RBFOX1: variants seen among roughly 807,000 people sequenced by gnomAD.
The protein encoded by RBFOX1 is RNA binding fox-1 homolog 1, also known as RNA binding protein fox-1 homolog 1.
Under a neutral mutation model 57.7 loss-of-function variants are expected in RBFOX1, and 8 were observed. That is an observed-to-expected ratio of 0.14 (90% CI 0.08 to 0.25). RBFOX1 has a LOEUF of 0.25. Among genes scored for constraint, RBFOX1 ranks in the 10% least tolerant of loss-of-function variants. The pLI, the probability that RBFOX1 is intolerant of heterozygous loss-of-function variation, is 1.00. For synonymous variants in RBFOX1, 326 were observed against 222.4 expected, an observed-to-expected ratio of 1.47 and a Z score of -4.15; for missense variants, 611 against 548.5, an observed-to-expected ratio of 1.11 and a Z score of -1.14.
chr16:5,783,130 A>G (rs937671230), intron 3 of RBFOX1, among the ~76,000 whole-genome samples: 1 of 151,536 alleles, frequency 6.6e-6, no homozygotes, highest in Non-Finnish European at 1.5e-5. Flanking sequence ...CTCTTTACTT[A>G]AATATTTTTA....
intron 3 of RBFOX1, among the ~76,000 whole-genome samples, chr16:6,834,870 C>T (rs1033742205): frequency 1.3e-5 from 2 of 148,396 alleles, no homozygotes; most frequent in Non-Finnish European, 3.0e-5. Context: ...GGCCAATTAA[C>T]TTCAAAGGCC....
At chr16:7,530,891 A>G (rs1601035548) in intron 5 of RBFOX1, among the ~76,000 whole-genome samples, 2 of 152,266 alleles carry the variant, frequency 1.3e-5, no homozygotes, top group Admixed American at 6.5e-5. Context: ...GGAGAAAGTC[A>G]TCACCACCCA....
chr16:5,318,577 C>T (rs543512891), intron 1 of RBFOX1, among the ~76,000 whole-genome samples: 8 of 131,546 alleles, frequency 6.1e-5, no homozygotes, highest in Non-Finnish European at 3.4e-5. Context: ...TTTGCATTGA[C>T]TTATACCAAA....
intron 4 of RBFOX1, among the ~76,000 whole-genome samples, chr16:5,982,300 G>T (rs2060190053): frequency 6.6e-6 from 1 of 151,712 alleles, no homozygotes; most frequent in Non-Finnish European, 1.5e-5. Flanking sequence ...TTGAGATGGA[G>T]TCTCGCTCTG....
At chr16:7,257,739 G>T (rs1216173242) in intron 4 of RBFOX1, among the ~76,000 whole-genome samples, 1 of 152,210 alleles carries the variant, frequency 6.6e-6, no homozygotes, top group Non-Finnish European at 1.5e-5. Context: ...GATGTTGCCT[G>T]TGTTAGAATT....
rs553126719 is a variant in RBFOX1 at position 6,828,949 on chromosome 16, C to T, written c.-16+174299C>T. ...GCTCTCTTGAGTCCGCCTACACTCCCCCTTTCTTGAGTGTGTACTTTTCCC... is the reference window on the plus strand; with the variant it reads ...GCTCTCTTGAGTCCGCCTACACTCCTCCTTTCTTGAGTGTGTACTTTTCCC... On this transcript the variant is annotated intron_variant, in intron 3 of 15. Transcript: ENST00000550418. Among the ~76,000 whole-genome samples the T allele has an allele frequency of 2.6e-5, 4 of 152,046 alleles. No individual in the cohort carries two copies. In the South Asian group the frequency reaches 8.4e-4, roughly 32 times the overall value.
chr16:7,302,670 A>G (rs980936006), intron 4 of RBFOX1, among the ~76,000 whole-genome samples: 3 of 151,942 alleles, frequency 2.0e-5, no homozygotes, highest in Non-Finnish European at 2.9e-5. Flanking sequence ...CACTGGGTCA[A>G]AATCTATATT....
intron 11 of RBFOX1, among the ~76,000 whole-genome samples, chr16:7,635,802 TTTTA>T (rs1460688072): frequency 3.3e-5 from 5 of 152,056 alleles, no homozygotes; most frequent in African/African-American, 4.8e-5. Context: ...TTACTTTTTA[TTTTA>T]TTTATTTATT....
chr16:7,569,116 C>G (rs574591767), intron 5 of RBFOX1, among the ~76,000 whole-genome samples: 1 of 152,206 alleles, frequency 6.6e-6, no homozygotes, highest in African/African-American at 2.4e-5. Flanking sequence ...GGCTCTAAAA[C>G]AGGACCGTCC....
intron 4 of RBFOX1, among the ~76,000 whole-genome samples, chr16:7,451,889 G>A (rs28512367): frequency 3.2e-4 from 48 of 152,262 alleles, no homozygotes; most frequent in African/African-American, 1.2e-3. Flanking sequence ...CAGAAGCTCT[G>A]CTATAATTGT....
intron 2 of RBFOX1, among the ~76,000 whole-genome samples, chr16:6,589,333 C>A (rs1289707984): frequency 6.6e-6 from 1 of 152,116 alleles, no homozygotes; most frequent in South Asian, 2.1e-4. Context: ...GTATGGGAGA[C>A]CAGCGTGTTG....
intron 4 of RBFOX1, among the ~76,000 whole-genome samples, chr16:7,245,360 A>C: frequency 6.6e-6 from 1 of 152,174 alleles, no homozygotes; most frequent in Non-Finnish European, 1.5e-5. Flanking sequence ...CATGTACAGG[A>C]TGTGCAGGTT....
At chr16:6,848,169 C>CTG (rs1315141479) in intron 3 of RBFOX1, among the ~76,000 whole-genome samples, 4 of 151,896 alleles carry the variant, frequency 2.6e-5, no homozygotes, top group African/African-American at 7.3e-5. Flanking sequence ...CACAAGGAGG[C>CTG]TGATCACAGC....
At chr16:5,762,371 C>T (rs113825886) in intron 3 of RBFOX1, among the ~76,000 whole-genome samples, 13 of 135,994 alleles carry the variant, frequency 9.6e-5, no homozygotes, top group South Asian at 7.2e-4. Context: ...AAAAAAAAAA[C>T]GAAGAAAGAA....
chr16:5,424,928 T>TCTCTC (rs1233055214), intron 1 of RBFOX1, among the ~76,000 whole-genome samples: 7 of 121,818 alleles, frequency 5.7e-5, no homozygotes, highest in Admixed American at 4.3e-4. Context: ...TCTTTCTTTC[T>TCTCTC]TTCTTTCTCT....
chr16:7,034,000 A>G (rs1447953537), intron 3 of RBFOX1, among the ~76,000 whole-genome samples: 2 of 152,214 alleles, frequency 1.3e-5, no homozygotes, highest in Non-Finnish European at 2.9e-5. Flanking sequence ...AAAGGCATTT[A>G]ATTCAATACT....
Position 6,310,144 on chromosome 16 carries a change from C to T in RBFOX1, c.-126-6851C>T, listed in dbSNP as rs542465637. ...CTCGTGATCCGCCCACCTCGGCCTA[C>T]GAAAGTGCTGGGATTACAGGCGTGA... is the stretch of plus-strand genomic sequence containing the variant. On this transcript the variant is annotated intron_variant, in intron 1 of 15. Coordinates refer to ENST00000550418, the MANE Select transcript of RBFOX1 (RefSeq NM_018723.4). 3.3e-5 allele frequency among the ~76,000 whole-genome samples: 5 copies of T among 152,294 alleles called. No individual in the cohort carries two copies. The East Asian group carries it at 7.7e-4, about 24-fold the overall frequency.
At chr16:6,598,593 G>C (rs2097803098) in intron 2 of RBFOX1, among the ~76,000 whole-genome samples, 1 of 152,152 alleles carries the variant, frequency 6.6e-6, no homozygotes, top group Non-Finnish European at 1.5e-5. Context: ...AGGACTTGTA[G>C]TTTATGATCT....
intron 4 of RBFOX1, among the ~76,000 whole-genome samples, chr16:7,090,779 C>A (rs534771473): frequency 1.3e-5 from 2 of 152,230 alleles, no homozygotes; most frequent in East Asian, 1.9e-4. Context: ...GCCTTCCCTA[C>A]GGACTTCTTG....
Sources: gnomAD v4.1 joint callset for allele counts (sites outside exome capture counted in the v4.1 genomes callset) on GRCh38, gnomAD v4.1.1 for gene constraint, MANE v1.5 for transcripts, NCBI Gene and HGNC (gene_info 2026-07-23, HGNC 2026-07-21) for gene names.